The following ERC2 variants were observed in gnomAD, a reference collection of about 807,000 sequenced individuals.
ERC2 encodes ELKS/RAB6-interacting/CAST family member 2, also known as ERC protein 2.
ERC2 carries 42 observed loss-of-function variants against 114.8 expected under a neutral mutation model. The ratio of observed to expected loss-of-function variants is 0.37; its 90% CI spans 0.29 to 0.47. The LOEUF (loss-of-function observed/expected upper bound fraction) is 0.47. ERC2 is among the 20% of genes least tolerant of loss of function. The pLI, the probability that ERC2 is intolerant of heterozygous loss-of-function variation, is 0.99. For missense variants in ERC2, 939 were observed against 1,150.7 expected (o/e 0.82, Z 2.66); for synonymous variants, 454 against 425.5 (o/e 1.07, Z -0.82).
In ERC2 at chr3:55,841,413, C is replaced by T. The variant is rs1030462899; in HGVS notation, c.2564+46976G>A. Among the ~76,000 whole-genome samples the T allele has an allele frequency of 3.3e-5, 5 of 152,166 alleles. No individual in the cohort carries two copies. The South Asian group carries it at 8.3e-4, about 25-fold the overall frequency. ...CCATGTATGACATGCCTTTGCTTCTCGTTTGCCTTCTGCCATGATTGTGAG... is the reference window on the plus strand; with the variant it reads ...CCATGTATGACATGCCTTTGCTTCTTGTTTGCCTTCTGCCATGATTGTGAG... On this transcript the variant is annotated intron_variant, in intron 14 of 17. Transcript: ENST00000288221.
At chr3:55,747,388 T>A (rs867639006) in intron 14 of ERC2, among the ~76,000 whole-genome samples, 92 of 152,118 alleles carry the variant, frequency 6.0e-4, no homozygotes, top group African/African-American at 2.2e-3. Context: ...GTACTTGCCA[T>A]ACATTTGCTA....
At chr3:55,628,900 T>C (rs1053923266) in intron 17 of ERC2, among the ~76,000 whole-genome samples, 1 of 152,226 alleles carries the variant, frequency 6.6e-6, no homozygotes, top group African/African-American at 2.4e-5. Flanking sequence ...TGACATATGA[T>C]ACTTTGTAGA....
At chr3:55,931,143 C>A (rs1341605643) in intron 13 of ERC2, among the ~76,000 whole-genome samples, 1 of 152,224 alleles carries the variant, frequency 6.6e-6, no homozygotes, top group Non-Finnish European at 1.5e-5. Flanking sequence ...GAGGCTTTTA[C>A]ACTGTTGGTG....
intron 15 of ERC2, among the ~76,000 whole-genome samples, chr3:55,712,311 G>A (rs2063817701): frequency 6.6e-6 from 1 of 152,172 alleles, no homozygotes; most frequent in Admixed American, 6.5e-5. Context: ...TGTGCAGACA[G>A]GTGAGAGGCG....
intron 17 of ERC2, among the ~76,000 whole-genome samples, chr3:55,616,781 GT>G (rs2059139323): frequency 6.6e-6 from 1 of 152,052 alleles, no homozygotes; most frequent in Non-Finnish European, 1.5e-5. Flanking sequence ...AAGGCACACA[GT>G]TAGACACAGA....
chr3:56,296,033 T>C lies in ERC2; in HGVS notation c.1060A>G (p.Ile354Val), dbSNP rs746055984. Residue 354 changes from isoleucine to valine, a missense_variant, in exon 3 of 18, where the codon ATA becomes GTA. Physicochemically the swap from Ile to Val is conservative, Grantham distance 29. Coordinates refer to ENST00000288221, the MANE Select transcript of ERC2 (RefSeq NM_015576.3). ...VILDQKEKEN[I>V]HLREELHRRS... ...AATGCTCTTACCTCTCTAAGATGTA[T>C]GTTTTCCTTCTCTTTCTGATCTAAA... is the stretch of plus-strand genomic sequence containing the variant. The C allele has an allele frequency of 6.3e-7, 1 of 1,594,960 alleles. No individual in the cohort carries two copies. Among genetic ancestry groups the C allele is most frequent in the Admixed American group, 1.7e-5 (1 of 57,468 alleles).
intron 3 of ERC2, among the ~76,000 whole-genome samples, chr3:56,179,303 G>A (rs770319730): frequency 2.6e-5 from 4 of 152,152 alleles, no homozygotes; most frequent in Non-Finnish European, 5.9e-5. Flanking sequence ...AAGAAGTGCA[G>A]GGGTGGGTGG....
chr3:56,139,524 G>A lies in ERC2; in HGVS notation c.1458C>T (p.Ala486=), dbSNP rs756493093. 2 of 1,612,980 alleles carry A rather than the reference G, an allele frequency of 1.2e-6. No individual in the cohort carries two copies. The highest frequency in any genetic ancestry group is 2.2e-5 in the East Asian group (1 of 44,810). ...ESLTAKEQRA[A]ILQTEVDALR... ...AGTGCCTTACCTCAGTCTGAAGGAT[G>A]GCAGCCCTCTGTTCTTTGGCAGTAA... The change falls in exon 6 of 18, where the codon GCC becomes GCT. Residue 486 remains alanine, a synonymous_variant. Transcript: ENST00000288221.
chr3:55,733,463 C>T (rs1427577032), intron 15 of ERC2, among the ~76,000 whole-genome samples: 1 of 89,404 alleles, frequency 1.1e-5, no homozygotes, highest in Non-Finnish European at 2.7e-5. Flanking sequence ...CTCTCTCTCT[C>T]TCACACACAC....
At chr3:55,909,921 ATATT>A (rs2064700134) in intron 13 of ERC2, among the ~76,000 whole-genome samples, 1 of 152,162 alleles carries the variant, frequency 6.6e-6, no homozygotes, top group African/African-American at 2.4e-5. Flanking sequence ...ACGTGGAAAA[ATATT>A]TATATTGAGA....
chr3:56,269,603 A>G (rs1184581104), intron 3 of ERC2, among the ~76,000 whole-genome samples: 1 of 152,230 alleles, frequency 6.6e-6, no homozygotes, highest in Admixed American at 6.5e-5. Context: ...ACAAAACACC[A>G]AAAGTGGACA....
At chr3:56,416,261 C>G (rs542453549) in intron 2 of ERC2, among the ~76,000 whole-genome samples, 1 of 152,124 alleles carries the variant, frequency 6.6e-6, no homozygotes, top group East Asian at 1.9e-4. Flanking sequence ...CTCTGACCAC[C>G]TCCTCCTGAG....
chr3:55,543,233 C>T (rs2054518005), intron 17 of ERC2, among the ~76,000 whole-genome samples: 1 of 152,200 alleles, frequency 6.6e-6, no homozygotes, highest in Non-Finnish European at 1.5e-5. Context: ...CAGCAAAAGG[C>T]TGTCCACGTG....
chr3:55,865,638 T>C (rs2062275646), intron 14 of ERC2, among the ~76,000 whole-genome samples: 1 of 152,140 alleles, frequency 6.6e-6, no homozygotes, highest in South Asian at 2.1e-4. Flanking sequence ...CCACCAGCCC[T>C]AGGCAACCAC....
chr3:55,559,870 T>A lies in ERC2; in HGVS notation c.*40-48594A>T, dbSNP rs186980552. Among the ~76,000 whole-genome samples the A allele has an allele frequency of 5.6e-4, 86 of 152,326 alleles. 3 individuals are homozygous for A. Among genetic ancestry groups the A allele is most frequent in the African/African-American group, 1.9e-3 (80 of 41,580 alleles). On this transcript the variant is annotated intron_variant, in intron 17 of 17. Coordinates refer to ENST00000288221, the MANE Select transcript of ERC2 (RefSeq NM_015576.3). The stretch of plus-strand genomic sequence containing the variant: ...TATTTCACGCTGAATCATCAGTTTC[T>A]GGGGAAACAGAGCGCTAGCCCACAG...
chr3:56,047,101 T>C (rs914759793), intron 7 of ERC2, among the ~76,000 whole-genome samples: 1 of 152,230 alleles, frequency 6.6e-6, no homozygotes, highest in African/African-American at 2.4e-5. Flanking sequence ...GCTAGTCTTG[T>C]TCTGAAATCG....
intron 13 of ERC2, among the ~76,000 whole-genome samples, chr3:55,901,374 G>C (rs2064128728): frequency 6.6e-6 from 1 of 152,116 alleles, no homozygotes; most frequent in African/African-American, 2.4e-5. Context: ...CAAGATATTG[G>C]CAGGCTGCTT....
intron 14 of ERC2, among the ~76,000 whole-genome samples, chr3:55,746,169 A>G (rs888875021): frequency 4.6e-5 from 7 of 152,208 alleles, no homozygotes; most frequent in Non-Finnish European, 1.0e-4. Context: ...GAATATGTGC[A>G]GAAGGGGGCA....
At chr3:56,315,021 T>A (rs2056796549) in intron 2 of ERC2, among the ~76,000 whole-genome samples, 1 of 152,144 alleles carries the variant, frequency 6.6e-6, no homozygotes, top group Admixed American at 6.5e-5. Flanking sequence ...GAGTCAAATG[T>A]CTTTGGTCTA....
Sources: allele counts gnomAD v4.1 joint callset (sites outside exome capture counted in the v4.1 genomes callset), GRCh38; gene constraint gnomAD v4.1.1; transcripts MANE v1.5; gene names NCBI Gene and HGNC (gene_info 2026-07-23, HGNC 2026-07-21).